Variants in TNFRSF21 observed in about 807,000 individuals in gnomAD.
TNFRSF21 encodes tumor necrosis factor receptor superfamily member 21.
In TNFRSF21, 19 loss-of-function variants were observed where a neutral mutation model predicts 45.6. The ratio of observed to expected loss-of-function variants is 0.42; its 90% CI spans 0.29 to 0.61. The LOEUF is 0.61. Ranked by LOEUF, TNFRSF21 falls within the 20% of genes least tolerant of loss-of-function variation. TNFRSF21 has a pLI of 0.23. For missense variants in TNFRSF21, 737 were observed against 851.5 expected (o/e 0.87, Z 1.67); for synonymous variants, 314 against 335.5 (o/e 0.94, Z 0.70).
intron 1 of TNFRSF21, among the ~76,000 whole-genome samples, chr6:47,296,690 G>A (rs1269315408): frequency 6.6e-6 from 1 of 152,222 alleles, no homozygotes; most frequent in East Asian, 1.9e-4. Context: ...CTGGGGTTTG[G>A]AGAGCTTCTG....
At chr6:47,235,932 G>T (rs954059395) in intron 4 of TNFRSF21, among the ~76,000 whole-genome samples, 1 of 152,188 alleles carries the variant, frequency 6.6e-6, no homozygotes, top group African/African-American at 2.4e-5. Context: ...CACTCTGGCT[G>T]GTGGGTAGAG....
chr6:47,253,594 TAATG>T (rs1764936609), intron 3 of TNFRSF21, 73 bp from the exon 4 acceptor site: 1 of 1,536,352 alleles, frequency 6.5e-7, no homozygotes. Flanking sequence ...AGCTCTGCTT[TAATG>T]AATGAACTAG....
rs1314058513 is a variant in TNFRSF21 at position 47,232,909 on chromosome 6, A to G, written c.1824T>C (p.Asn608=). The change falls in exon 6 of 6, where the codon AAT becomes AAC. Residue 608 remains asparagine, a synonymous_variant. Coordinates refer to ENST00000296861, the MANE Select transcript of TNFRSF21 (RefSeq NM_014452.5). The part of the protein sequence containing the change: ...PIFDDMLHFL[N]PEELRVIEEI... The stretch of plus-strand genomic sequence containing the variant: ...CTTCAATCACCCGCAGCTCCTCAGG[A>G]TTTAGAAAGTGGAGCATGTCATCAA... 21 of 1,613,932 alleles carry G rather than the reference A, an allele frequency of 1.3e-5. No individual in the cohort carries two copies. The highest frequency in any genetic ancestry group is 1.8e-5 in the Non-Finnish European group (21 of 1,180,012).
At chr6:47,257,957 T>C (rs771486938) in intron 3 of TNFRSF21, among the ~76,000 whole-genome samples, 10 of 152,158 alleles carry the variant, frequency 6.6e-5, no homozygotes, top group Non-Finnish European at 1.5e-4. Flanking sequence ...GGAGGAACAT[T>C]ATTATTTGCT....
At chr6:47,269,797 T>A (rs1212813699) in intron 3 of TNFRSF21, among the ~76,000 whole-genome samples, 1 of 152,222 alleles carries the variant, frequency 6.6e-6, no homozygotes, top group Non-Finnish European at 1.5e-5. Flanking sequence ...GTGGTTGTCA[T>A]GGCTAAAGAT....
At chr6:47,306,160 C>T (rs1762937198) in intron 1 of TNFRSF21, among the ~76,000 whole-genome samples, 1 of 152,210 alleles carries the variant, frequency 6.6e-6, no homozygotes, top group African/African-American at 2.4e-5. Context: ...TTGAACCCAG[C>T]TCTTGTCTTT....
chr6:47,235,752 A>G (rs1764657841), intron 4 of TNFRSF21, among the ~76,000 whole-genome samples: 1 of 152,212 alleles, frequency 6.6e-6, no homozygotes, highest in African/African-American at 2.4e-5. Context: ...AAAACTGCTA[A>G]AATTAAGAAT....
intron 3 of TNFRSF21, among the ~76,000 whole-genome samples, chr6:47,273,460 A>C (rs185931338): frequency 6.6e-6 from 1 of 152,204 alleles, no homozygotes; most frequent in Non-Finnish European, 1.5e-5. Context: ...AAAATTCAAC[A>C]GCGCTTCATG....
At chr6:47,271,779 G>GCA (rs1024962469) in intron 3 of TNFRSF21, among the ~76,000 whole-genome samples, 5 of 151,598 alleles carry the variant, frequency 3.3e-5, no homozygotes, top group Non-Finnish European at 7.4e-5. Flanking sequence ...CATCTCACAC[G>GCA]CACACACACA....
At chr6:47,272,541 T>C (rs1762438149) in intron 3 of TNFRSF21, among the ~76,000 whole-genome samples, 1 of 152,160 alleles carries the variant, frequency 6.6e-6, no homozygotes, top group African/African-American at 2.4e-5. Context: ...TTTATAGCAC[T>C]AAACACCCAC....
Position 47,255,452 on chromosome 6 carries a change from G to C in TNFRSF21, c.1244-1931C>G, listed in dbSNP as rs560560312. ...AGTGAGTCCTCTGAATCAATGTCAT[G>C]TCTTTGGTTTTTTTTTTTGTTTTTT... On this transcript the variant is annotated intron_variant, in intron 3 of 5. Coordinates refer to ENST00000296861, the MANE Select transcript of TNFRSF21 (RefSeq NM_014452.5). Among the ~76,000 whole-genome samples, 3 of 149,864 alleles carry C rather than the reference G, an allele frequency of 2.0e-5. No homozygotes were observed. The South Asian group carries it at 6.3e-4, about 31-fold the overall frequency.
chr6:47,261,136 C>T (rs1765068529), intron 3 of TNFRSF21, among the ~76,000 whole-genome samples: 1 of 152,184 alleles, frequency 6.6e-6, no homozygotes, highest in South Asian at 2.1e-4. Context: ...AACAGGCACG[C>T]ACTGTGTCCA....
intron 2 of TNFRSF21, 47 bp from the exon 3 acceptor site, chr6:47,284,479 G>A (rs1369915682): frequency 6.7e-7 from 1 of 1,495,400 alleles, no homozygotes; most frequent in Non-Finnish European, 8.9e-7. Flanking sequence ...CATATTTGGG[G>A]ATCTATACAT....
At chr6:47,296,051 C>T (rs1456008571) in intron 1 of TNFRSF21, among the ~76,000 whole-genome samples, 1 of 152,184 alleles carries the variant, frequency 6.6e-6, no homozygotes, top group Non-Finnish European at 1.5e-5. Flanking sequence ...TCATCTCCTT[C>T]CGTGTCCTTA....
chr6:47,301,090 A>G (rs1246740438), intron 1 of TNFRSF21, among the ~76,000 whole-genome samples: 2 of 152,228 alleles, frequency 1.3e-5, no homozygotes, highest in Non-Finnish European at 1.5e-5. Flanking sequence ...CAACTTACAT[A>G]AGTTTAAATT....
At chr6:47,269,605 T>A (rs1170402961) in intron 3 of TNFRSF21, among the ~76,000 whole-genome samples, 2 of 152,224 alleles carry the variant, frequency 1.3e-5, no homozygotes, top group African/African-American at 4.8e-5. Context: ...AATTCAGAAT[T>A]GGGCAGACTG....
intron 1 of TNFRSF21, among the ~76,000 whole-genome samples, chr6:47,301,299 A>G (rs1283671182): frequency 2.0e-5 from 3 of 152,346 alleles, no homozygotes; most frequent in South Asian, 2.1e-4. Flanking sequence ...GATGAAGAGC[A>G]TATTGTCTTT....
intron 3 of TNFRSF21, among the ~76,000 whole-genome samples, chr6:47,270,491 C>T (rs925354921): frequency 1.3e-5 from 2 of 152,168 alleles, no homozygotes; most frequent in African/African-American, 2.4e-5. Context: ...GTCATCTACA[C>T]CAAAACCCCA....
intron 3 of TNFRSF21, among the ~76,000 whole-genome samples, chr6:47,278,176 A>G (rs1441749933): frequency 2.6e-5 from 4 of 152,186 alleles, no homozygotes; most frequent in Non-Finnish European, 5.9e-5. Flanking sequence ...GCTCTGAAAA[A>G]TAATTCTTAC....
Sources: allele counts gnomAD v4.1 joint callset (sites outside exome capture counted in the v4.1 genomes callset), GRCh38; gene constraint gnomAD v4.1.1; transcripts MANE v1.5; gene names NCBI Gene and HGNC (gene_info 2026-07-23, HGNC 2026-07-21).